ZNF841: variants seen among roughly 807,000 people sequenced by gnomAD.
ZNF841 encodes the protein TCONS_00006091.
A neutral mutation model predicts 13.0 loss-of-function variants in ZNF841; 11 were observed. That is an observed-to-expected ratio of 0.85 (90% confidence interval 0.53 to 1.40). The LOEUF (loss-of-function observed/expected upper bound fraction) is 1.40. ZNF841 is among the 40% of genes most tolerant of loss of function. The pLI is 0.00. For missense variants in ZNF841, 1,068 were observed against 1,139.5 expected (o/e 0.94, Z 0.90); for synonymous variants, 369 against 381.6 (o/e 0.97, Z 0.38).
At chr19:52,073,831 C>A (rs971714412) in intron 6 of ZNF841, among the ~76,000 whole-genome samples, 4 of 152,092 alleles carry the variant, frequency 2.6e-5, no homozygotes, top group African/African-American at 7.2e-5. Context: ...AAGAAAAAAA[C>A]AGTGCAATTT....
chr19:52,063,861 C>T (rs551726985), downstream of ZNF841, among the ~76,000 whole-genome samples: 5 of 152,312 alleles, frequency 3.3e-5, no homozygotes, highest in Admixed American at 6.5e-5. Context: ...CCAATATAAA[C>T]TCTCAAGTAG....
chr19:52,092,525 C>T (rs2088531560), intron 2 of ZNF841, among the ~76,000 whole-genome samples: 1 of 152,096 alleles, frequency 6.6e-6, no homozygotes, highest in Admixed American at 6.5e-5. Context: ...AAAATGAGCC[C>T]TTGTACACTG....
chr19:52,066,323 T>C lies in ZNF841; in HGVS notation c.1559A>G (p.Lys520Arg), dbSNP rs1254937938. The C allele has an allele frequency of 1.9e-6, 3 of 1,613,862 alleles. No individual in the cohort carries two copies. Among genetic ancestry groups the C allele is most frequent in the Non-Finnish European group, 8.5e-7 (1 of 1,179,904 alleles). ...TAGTAATGAGCCCCAATTAAAGGCT[T>C]TGCCACATTCATTACATTTGTAAGG... ...EKPYKCNECG[K>R]AFNWGSLLTV... Residue 520 changes from lysine (K) to arginine (R), a missense_variant, in exon 7 of 7, where the codon AAA becomes AGA. Transcript: ENST00000594440.
downstream of ZNF841, among the ~76,000 whole-genome samples, chr19:52,064,278 A>G (rs8100486): frequency 0.51 from 68,665 of 134,268 alleles, 17,585 homozygotes; most frequent in African/African-American, 0.73. Context: ...CCCAGGAAGC[A>G]GAGCTTGCAG....
intron 3 of ZNF841, among the ~76,000 whole-genome samples, chr19:52,088,709 T>C (rs1199949171): frequency 6.6e-6 from 1 of 152,222 alleles, no homozygotes; most frequent in Non-Finnish European, 1.5e-5. Flanking sequence ...TGCCCCGTGA[T>C]GTTAATCATC....
chr19:52,089,791 C>T (rs539145895), intron 2 of ZNF841, among the ~76,000 whole-genome samples: 2 of 152,290 alleles, frequency 1.3e-5, no homozygotes, highest in African/African-American at 4.8e-5. Context: ...ACACACCATA[C>T]CATGGCTCAT....
At chr19:52,095,267 A>G (rs977797694) in intron 1 of ZNF841, among the ~76,000 whole-genome samples, 8 of 152,166 alleles carry the variant, frequency 5.3e-5, no homozygotes. Flanking sequence ...GGTGGCGCGG[A>G]GAACGATGTC....
chr19:52,077,074 G>A lies in ZNF841; in HGVS notation c.26C>T (p.Thr9Ile). The change falls in exon 5 of 7, where the codon ACA (threonine) becomes ATA (isoleucine). Residue 9 changes from threonine to isoleucine, a missense_variant. Thr to Ile is a moderately conservative substitution (Grantham distance 89). Coordinates refer to ENST00000594440, the MANE Select transcript of ZNF841 (RefSeq NM_001136499.2). Reference sequence around the variant, plus strand: ...GAATTCTACAGCCACATCCCTGAATGTCAAAGATCCCTGAAATGAAAAACA... The same window carrying A: ...GAATTCTACAGCCACATCCCTGAATATCAAAGATCCCTGAAATGAAAAACA... MALPQGSLTFRDVAVEFSQ... is the reference protein window; with the variant it reads MALPQGSLIFRDVAVEFSQ... 1 of 1,609,328 alleles carries A rather than the reference G, an allele frequency of 6.2e-7. No homozygotes were observed. Among genetic ancestry groups the A allele is most frequent in the Non-Finnish European group, 8.5e-7 (1 of 1,178,040 alleles).
At chr19:52,071,741 GA>G (rs147791983) in intron 6 of ZNF841, among the ~76,000 whole-genome samples, 9 of 148,418 alleles carry the variant, frequency 6.1e-5, no homozygotes, top group South Asian at 2.2e-4. Context: ...ACTATTTCAG[GA>G]AAAAAAAATC....
chr19:52,059,348 TAA>T, the ZNF841 span, among the ~76,000 whole-genome samples: 202 of 45,934 alleles, frequency 4.4e-3, no homozygotes, highest in South Asian at 0.019. Flanking sequence ...AGACTCTGTC[TAA>T]AAAAAAAAAA....
intron 4 of ZNF841, among the ~76,000 whole-genome samples, chr19:52,078,586 C>T (rs529055983): frequency 5.3e-5 from 8 of 151,626 alleles, no homozygotes; most frequent in African/African-American, 1.9e-4. Flanking sequence ...GTAATCCCAG[C>T]TACTCGGGAG....
At chr19:52,078,992 T>C (rs1483692102) in intron 4 of ZNF841, among the ~76,000 whole-genome samples, 1 of 152,174 alleles carries the variant, frequency 6.6e-6, no homozygotes, top group African/African-American at 2.4e-5. Flanking sequence ...TTCTTAGACA[T>C]GTATGTTTTA....
chr19:52,095,142 C>T (rs1360138711), intron 1 of ZNF841, among the ~76,000 whole-genome samples: 1 of 152,164 alleles, frequency 6.6e-6, no homozygotes, highest in Non-Finnish European at 1.5e-5. Flanking sequence ...GAAGGAAGAA[C>T]ACTGGGTGTC....
intron 6 of ZNF841, among the ~76,000 whole-genome samples, chr19:52,074,046 G>C (rs2087818887): frequency 6.6e-6 from 1 of 152,124 alleles, no homozygotes; most frequent in Admixed American, 6.5e-5. Flanking sequence ...TTCATAGTAG[G>C]AATTAAGTCA....
At chr19:52,080,990 T>C (rs2088082368) in intron 4 of ZNF841, among the ~76,000 whole-genome samples, 1 of 152,036 alleles carries the variant, frequency 6.6e-6, no homozygotes, top group African/African-American at 2.4e-5. Flanking sequence ...ACCAATTAAG[T>C]CTCTACAAAC....
Position 52,066,544 on chromosome 19 carries a change from C to G in ZNF841, c.1338G>C (p.Arg446Ser). The change falls in exon 7 of 7, where the codon AGG (arginine) becomes AGC (serine). Residue 446 changes from arginine to serine, a missense_variant. Arg to Ser is a moderately radical substitution (Grantham distance 110). Transcript: ENST00000594440. ...TCTCTCCAGTATGAATTATCTGGTG[C>G]CTTACAAGTTGTGAATTCTGATAAA... Reference protein sequence around the residue: ...KVFYQNSQLVRHQIIHTGETP... With the variant: ...KVFYQNSQLVSHQIIHTGETP... The G allele has an allele frequency of 6.2e-7, 1 of 1,613,114 alleles. No individual in the cohort carries two copies.
In ZNF841 at chr19:52,067,269, A is replaced by G; in HGVS notation, c.613T>C (p.Tyr205His). ...GTCCTCTCAATTTGATTACATCCAT[A>G]AATTTTCTCTGCAGTTTGAAATTTC... Reference protein sequence around the residue: ...LQKFQTAEKIYGCNQIERTVN... With the variant: ...LQKFQTAEKIHGCNQIERTVN... The change falls in exon 7 of 7, where the codon TAT (tyrosine) becomes CAT (histidine). Residue 205 changes from tyrosine (Y) to histidine (H), a missense_variant. Physicochemically the swap from Tyr to His is moderately conservative, Grantham distance 83. Coordinates refer to ENST00000594440, the MANE Select transcript of ZNF841 (RefSeq NM_001136499.2). The G allele has an allele frequency of 1.9e-6, 3 of 1,551,648 alleles. No individual in the cohort carries two copies. Among genetic ancestry groups the G allele is most frequent in the Non-Finnish European group, 2.6e-6 (3 of 1,146,974 alleles).
chr19:52,075,935 G>A, intron 6 of ZNF841, 109 bp downstream of exon 6: 1 of 1,405,314 alleles, frequency 7.1e-7, no homozygotes, highest in East Asian at 2.5e-5. Context: ...GAAAACTTCT[G>A]GAGCTCACAG....
downstream of ZNF841, among the ~76,000 whole-genome samples, chr19:52,062,160 T>C (rs2087412507): frequency 6.6e-6 from 1 of 152,150 alleles, no homozygotes; most frequent in South Asian, 2.1e-4. Context: ...GTTCCAAAAG[T>C]TGACCTTATT....
Sources: allele counts gnomAD v4.1 joint callset (sites outside exome capture counted in the v4.1 genomes callset), GRCh38; gene constraint gnomAD v4.1.1; transcripts MANE v1.5; gene names NCBI Gene and HGNC (gene_info 2026-07-23, HGNC 2026-07-21).